Variants in APCDD1L observed in about 807,000 individuals in gnomAD.
APCDD1L encodes APC down-regulated 1 like, also known as protein APCDD1-like.
In APCDD1L, 21 loss-of-function variants were observed where a neutral mutation model predicts 24.2. The ratio of observed to expected loss-of-function variants is 0.87; its 90% CI spans 0.61 to 1.25. The LOEUF is 1.25. APCDD1L is among the 50% of genes most tolerant of loss of function. APCDD1L has a pLI of 0.00. For synonymous variants in APCDD1L, 321 were observed against 323.6 expected (o/e 0.99, Z 0.09); for missense variants, 704 against 711.7 (o/e 0.99, Z 0.12).
At chr20:58,489,210 CAACAAACAAACCAACCAA>C (rs1990177417) in intron 1 of APCDD1L, among the ~76,000 whole-genome samples, 2 of 151,454 alleles carry the variant, frequency 1.3e-5, no homozygotes, top group African/African-American at 4.9e-5. Context: ...CAACACCAAA[CAACAAACAAACCAACCAA>C]AACAAACAAA....
At position 58,464,983 on chromosome 20, in the gene APCDD1L, G is replaced by A. The variant is rs1335782147; in HGVS notation, c.741+2123C>T. Among the ~76,000 whole-genome samples, 8 of 151,988 alleles carry A rather than the reference G, an allele frequency of 5.3e-5. No homozygotes were observed. The East Asian group carries it at 1.5e-3, about 29-fold the overall frequency. On this transcript the variant is annotated intron_variant, in intron 3 of 3. Coordinates refer to ENST00000371149, the MANE Select transcript of APCDD1L (RefSeq NM_153360.3). The stretch of plus-strand genomic sequence containing the variant: ...GTTTTGCTTCTCCATCACATTTCAG[G>A]CTGGATTGGTCACCCAGGTTGGCCG...
At chr20:58,506,812 G>T (rs1322955024) in intron 1 of APCDD1L, among the ~76,000 whole-genome samples, 1 of 152,248 alleles carries the variant, frequency 6.6e-6, no homozygotes, top group African/African-American at 2.4e-5. Flanking sequence ...CAGAGTGTGT[G>T]TGTCTCCTGG....
intron 1 of APCDD1L, among the ~76,000 whole-genome samples, chr20:58,512,836 G>A (rs1335785674): frequency 6.7e-6 from 1 of 149,172 alleles, no homozygotes; most frequent in African/African-American, 2.5e-5. Flanking sequence ...GCAGTGGCAG[G>A]CTGAACGGCA....
rs1019564485 is a variant in APCDD1L at position 58,460,180 on chromosome 20, G to C, written c.*610C>G. The C allele has an allele frequency of 4.6e-5, 7 of 152,412 alleles. No individual in the cohort carries two copies. Among genetic ancestry groups the C allele is most frequent in the African/African-American group, 1.7e-4 (7 of 41,588 alleles). 9.4% of individuals were successfully genotyped at this position (152,412 alleles called of 1,614,324 possible). A position where few individuals can be genotyped will look rare whatever the true frequency, so the allele number is the denominator to read the frequency against. On this transcript the variant is annotated 3_prime_UTR_variant, in exon 4 of 4. Coordinates refer to ENST00000371149, the MANE Select transcript of APCDD1L (RefSeq NM_153360.3). The surrounding 1 kb of genome is among the most constrained non-coding windows in gnomAD (Gnocchi z 4.2). ...AATGCAGACGAATGCCAGCAGTCAG[G>C]ACTCAGGAAAGCTGAGCTGCCCCTG...
rs1357497079 is a variant in APCDD1L at position 58,467,075 on chromosome 20, C to A, written c.741+31G>T. On this transcript the variant is annotated intron_variant, in intron 3 of 3. Coordinates refer to ENST00000371149, the MANE Select transcript of APCDD1L (RefSeq NM_153360.3). This position sits in a 1 kb window ranked among gnomAD's most constrained non-coding sequence, Gnocchi z 5.9. Reference sequence around the variant, plus strand: ...GCTCGCCTCCCCGAGACCACCACCCCCCTCTCCCACACCCCAACACACACA... The same window carrying A: ...GCTCGCCTCCCCGAGACCACCACCCACCTCTCCCACACCCCAACACACACA... 3 of 1,562,476 alleles carry A rather than the reference C, an allele frequency of 1.9e-6. No individual in the cohort carries two copies. The highest frequency in any genetic ancestry group is 2.6e-6 in the Non-Finnish European group (3 of 1,157,128).
At chr20:58,493,833 C>T (rs1990269146) in intron 1 of APCDD1L, among the ~76,000 whole-genome samples, 1 of 152,200 alleles carries the variant, frequency 6.6e-6, no homozygotes, top group African/African-American at 2.4e-5. Context: ...TGACCTTTAA[C>T]AACACGACAC....
At chr20:58,470,863 C>G in intron 1 of APCDD1L, 116 bp from the exon 2 acceptor site, 11 of 1,381,120 alleles carry the variant, frequency 8.0e-6, no homozygotes, top group Non-Finnish European at 1.0e-5. Context: ...CCCGCAACCT[C>G]CATCGCAGCC....
At chr20:58,507,218 T>C (rs1353074149) in intron 1 of APCDD1L, among the ~76,000 whole-genome samples, 1 of 152,208 alleles carries the variant, frequency 6.6e-6, no homozygotes, top group Non-Finnish European at 1.5e-5. Flanking sequence ...CTGCCATCCT[T>C]GTAAGATGTG....
intron 3 of APCDD1L, among the ~76,000 whole-genome samples, chr20:58,466,516 C>CT (rs1555820208): frequency 1.3e-5 from 2 of 152,246 alleles, no homozygotes; most frequent in Non-Finnish European, 2.9e-5. Context: ...TGTGCGCGGC[C>CT]CCAGCGGCGC....
At chr20:58,489,897 A>G (rs1437043829) in intron 1 of APCDD1L, among the ~76,000 whole-genome samples, 2 of 152,318 alleles carry the variant, frequency 1.3e-5, no homozygotes, top group South Asian at 2.1e-4. Context: ...TGGCATAAAA[A>G]TAAATATTTA....
chr20:58,466,508 T>C (rs1989707053), intron 3 of APCDD1L, among the ~76,000 whole-genome samples: 1 of 152,244 alleles, frequency 6.6e-6, no homozygotes, highest in Non-Finnish European at 1.5e-5. Flanking sequence ...TGGGCTGGTG[T>C]GCGCGGCCCC....
chr20:58,460,994 A>G lies in APCDD1L; in HGVS notation c.1302T>C (p.Asp434=), dbSNP rs775368495. 7 of 1,614,024 alleles carry G rather than the reference A, an allele frequency of 4.3e-6. No homozygotes were observed. The highest frequency in any genetic ancestry group is 4.5e-5 in the East Asian group (2 of 44,886). ...SLLFIGQRPT[D]GSSPDTPEKR... ...TCTCTGGGGTATCGGGACTTGAGCC[A>G]TCGGTGGGCCTTTGTCCGATGAAGA... The change falls in exon 4 of 4, where the codon GAT becomes GAC. Residue 434 remains aspartate, a synonymous_variant. Coordinates refer to ENST00000371149, the MANE Select transcript of APCDD1L (RefSeq NM_153360.3). This position sits in a 1 kb window ranked among gnomAD's most constrained non-coding sequence, Gnocchi z 4.2.
At position 58,499,984 on chromosome 20, in the gene APCDD1L, C is replaced by T. The variant is rs79738323; in HGVS notation, c.49+14675G>A. ...CAGACTGGGCACTTCCATCTCACACCAAGATTGTTTTTTTAAAAAAACACA... is the reference window on the plus strand; with the variant it reads ...CAGACTGGGCACTTCCATCTCACACTAAGATTGTTTTTTTAAAAAAACACA... On this transcript the variant is annotated intron_variant, in intron 1 of 3. Transcript: ENST00000371149. Among the ~76,000 whole-genome samples the T allele has an allele frequency of 4.6e-5, 7 of 152,242 alleles. No individual in the cohort carries two copies. In the East Asian group the frequency reaches 1.4e-3, roughly 29 times the overall value.
chr20:58,512,145 A>G (rs1305448218), intron 1 of APCDD1L, among the ~76,000 whole-genome samples: 2 of 152,242 alleles, frequency 1.3e-5, no homozygotes, highest in African/African-American at 4.8e-5. Context: ...GGACATGTTC[A>G]GATACAAGAG....
intron 1 of APCDD1L, among the ~76,000 whole-genome samples, chr20:58,484,614 G>T (rs1362623768): frequency 5.3e-5 from 8 of 152,076 alleles, no homozygotes; most frequent in African/African-American, 1.9e-4. Flanking sequence ...GGTTGATTTT[G>T]TTTTTTAAGA....
intron 1 of APCDD1L, among the ~76,000 whole-genome samples, chr20:58,500,175 G>T (rs1036414406): frequency 2.0e-5 from 3 of 152,080 alleles, no homozygotes; most frequent in Non-Finnish European, 4.4e-5. Context: ...TTTTTTCTGG[G>T]GGAAAATGCA....
At chr20:58,472,781 C>T (rs576843048) in intron 1 of APCDD1L, among the ~76,000 whole-genome samples, 13 of 152,284 alleles carry the variant, frequency 8.5e-5, no homozygotes, top group East Asian at 5.8e-4. Flanking sequence ...AGAGAGAGGC[C>T]GTGGTTGTTT....
chr20:58,496,959 C>A (rs922821138), intron 1 of APCDD1L, among the ~76,000 whole-genome samples: 3 of 152,222 alleles, frequency 2.0e-5, no homozygotes, highest in Non-Finnish European at 4.4e-5. Flanking sequence ...AAATAAAAAA[C>A]AAGTAACTCA....
intron 1 of APCDD1L, among the ~76,000 whole-genome samples, chr20:58,485,859 G>A (rs1600861421): frequency 2.0e-5 from 3 of 152,186 alleles, no homozygotes; most frequent in Admixed American, 2.0e-4. Flanking sequence ...CTTAAGGGGG[G>A]CCTGCCTGTA....
Sources: gnomAD v4.1 joint callset for allele counts (sites outside exome capture counted in the v4.1 genomes callset) on GRCh38, gnomAD v4.1.1 for gene constraint, Gnocchi (gnomAD v3.1) non-coding constraint, MANE v1.5 for transcripts, NCBI Gene and HGNC (gene_info 2026-07-23, HGNC 2026-07-21) for gene names.